LRRC7: variants seen among roughly 807,000 people sequenced by gnomAD.
The protein encoded by LRRC7 is leucine rich repeat containing 7, also known as leucine-rich repeat-containing protein 7.
A neutral mutation model predicts 175.7 loss-of-function variants in LRRC7; 23 were observed. The ratio of observed to expected loss-of-function variants is 0.13; its 90% CI spans 0.09 to 0.19. The LOEUF is 0.19. Among genes scored for constraint, LRRC7 ranks in the 10% least tolerant of loss-of-function variants. The pLI is 1.00. For synonymous variants in LRRC7, 685 were observed against 680.9 expected (o/e 1.01, Z -0.09); for missense variants, 1,354 against 1,904.7 (o/e 0.71, Z 5.38).
chr1:69,827,457 A>C (rs546001786), intron 5 of LRRC7, among the ~76,000 whole-genome samples: 1 of 152,240 alleles, frequency 6.6e-6, no homozygotes, highest in Non-Finnish European at 1.5e-5. Flanking sequence ...CACTGTAAAC[A>C]TTAAACAGTT....
intron 8 of LRRC7, among the ~76,000 whole-genome samples, chr1:69,962,842 C>T (rs899977781): frequency 2.0e-5 from 3 of 151,746 alleles, no homozygotes; most frequent in East Asian, 3.9e-4. Context: ...GGGTGGGAGG[C>T]GGGAGAGAAT....
At chr1:69,942,172 G>T (rs1257635111) in intron 8 of LRRC7, among the ~76,000 whole-genome samples, 1 of 151,988 alleles carries the variant, frequency 6.6e-6, no homozygotes, top group Non-Finnish European at 1.5e-5. Context: ...AAATAAAATG[G>T]CTAGCTAGCA....
intron 3 of LRRC7, among the ~76,000 whole-genome samples, chr1:69,771,659 C>T (rs745857115): frequency 1.3e-5 from 2 of 152,132 alleles, no homozygotes; most frequent in Non-Finnish European, 2.9e-5. Context: ...GCAAGCATTT[C>T]TTGATTACCA....
chr1:70,034,783 T>C (rs1163532287), intron 18 of LRRC7, among the ~76,000 whole-genome samples: 2 of 152,228 alleles, frequency 1.3e-5, no homozygotes, highest in African/African-American at 4.8e-5. Context: ...TTCCCTTTTC[T>C]TTTATTGAAA....
chr1:69,779,866 C>T (rs540024168), intron 3 of LRRC7, among the ~76,000 whole-genome samples: 28 of 152,190 alleles, frequency 1.8e-4, no homozygotes, highest in Non-Finnish European at 3.7e-4. Context: ...CTTGATACTA[C>T]CAGCACCTGT....
At chr1:69,815,431 C>A (rs11585847) in intron 4 of LRRC7, among the ~76,000 whole-genome samples, 6,517 of 151,904 alleles carry the variant, frequency 0.043, 205 homozygotes, top group Non-Finnish European at 0.058. Flanking sequence ...TTGGCTGTGT[C>A]TTTTTTTTGG....
intron 2 of LRRC7, among the ~76,000 whole-genome samples, chr1:69,725,891 G>A (rs185221160): frequency 6.6e-5 from 10 of 152,306 alleles, no homozygotes; most frequent in Admixed American, 3.9e-4. Context: ...TTTTGATGCT[G>A]CCATGTCTGT....
chr1:69,890,833 A>C (rs1253210942), intron 7 of LRRC7, among the ~76,000 whole-genome samples: 1 of 152,170 alleles, frequency 6.6e-6, no homozygotes, highest in Non-Finnish European at 1.5e-5. Flanking sequence ...TTATTTCCTT[A>C]AACTTCACAA....
rs79744469 is a variant in LRRC7 at position 70,073,345 on chromosome 1, C to A, written c.4231-2732C>A. Among the ~76,000 whole-genome samples, 1,296 of 152,076 alleles carry A rather than the reference C, an allele frequency of 8.5e-3. 12 individuals carry two copies. Among genetic ancestry groups the A allele is most frequent in the African/African-American group, 0.029 (1,222 of 41,472 alleles). ...CTGTCCTATCAGAAGAAAAAATATA[C>A]CTGAAAAGTAAGTCTGAAGGCTATT... On this transcript the variant is annotated intron_variant, in intron 23 of 26. Coordinates refer to ENST00000651989, the MANE Select transcript of LRRC7 (RefSeq NM_001370785.2).
chr1:69,888,835 C>T lies in LRRC7; in HGVS notation c.648-42672C>T, dbSNP rs192057161. Among the ~76,000 whole-genome samples the T allele has an allele frequency of 2.6e-3, 396 of 152,086 alleles. 1 individual carries two copies. Among genetic ancestry groups the T allele is most frequent in the Non-Finnish European group, 4.9e-3 (330 of 68,012 alleles). ...CAAACTTGCAGTTGTAAAATGGATA[C>T]ACACTGGAGACCTAATGTACAGCAT... On this transcript the variant is annotated intron_variant, in intron 7 of 26. Coordinates refer to ENST00000651989, the MANE Select transcript of LRRC7 (RefSeq NM_001370785.2).
At chr1:69,600,350 T>G (rs986758336) in intron 1 of LRRC7, among the ~76,000 whole-genome samples, 3 of 152,194 alleles carry the variant, frequency 2.0e-5, no homozygotes, top group Admixed American at 6.5e-5. Flanking sequence ...TTAGTCATCT[T>G]GTTGCCATAG....
intron 1 of LRRC7, among the ~76,000 whole-genome samples, chr1:69,640,412 G>T (rs1654029964): frequency 6.6e-6 from 1 of 151,708 alleles, no homozygotes; most frequent in South Asian, 2.1e-4. Flanking sequence ...TTGTATAATA[G>T]TGAGCACTAT....
intron 24 of LRRC7, among the ~76,000 whole-genome samples, chr1:70,085,816 A>G (rs1051500872): frequency 1.3e-5 from 2 of 152,156 alleles, no homozygotes; most frequent in East Asian, 1.9e-4. Context: ...TATGTTTGCT[A>G]TCTATCTTCC....
intron 4 of LRRC7, among the ~76,000 whole-genome samples, chr1:69,807,871 G>A (rs189814263): frequency 1.4e-4 from 22 of 152,064 alleles, no homozygotes; most frequent in Admixed American, 7.9e-4. Flanking sequence ...AAGTTCTCCC[G>A]GATAATATCC....
intron 1 of LRRC7, among the ~76,000 whole-genome samples, chr1:69,593,728 G>C (rs77950836): frequency 0.011 from 1,668 of 152,218 alleles, 34 homozygotes; most frequent in African/African-American, 0.038. Flanking sequence ...ATCAGAGACT[G>C]GGCATGATTT....
intron 7 of LRRC7, among the ~76,000 whole-genome samples, chr1:69,852,057 T>C (rs1037856890): frequency 6.6e-6 from 1 of 152,162 alleles, no homozygotes; most frequent in Non-Finnish European, 1.5e-5. Flanking sequence ...CGTAAGTCTT[T>C]AAAGTGCAAT....
At chr1:70,060,911 C>T (rs1158883544) in intron 23 of LRRC7, among the ~76,000 whole-genome samples, 2 of 152,080 alleles carry the variant, frequency 1.3e-5, no homozygotes, top group Admixed American at 1.3e-4. Flanking sequence ...TTTTCCCTCC[C>T]AAAGAAATGC....
intron 2 of LRRC7, among the ~76,000 whole-genome samples, chr1:69,754,560 T>G (rs1194115660): frequency 6.6e-6 from 1 of 152,022 alleles, no homozygotes; most frequent in Non-Finnish European, 1.5e-5. Context: ...AGTAAATGCT[T>G]ACAACTTGAA....
At chr1:69,609,340 A>G (rs1443287713) in intron 1 of LRRC7, among the ~76,000 whole-genome samples, 1 of 152,072 alleles carries the variant, frequency 6.6e-6, no homozygotes, top group Non-Finnish European at 1.5e-5. Context: ...TAATCTATAT[A>G]TTATTCTAAT....
Sources: gnomAD v4.1 joint callset for allele counts (sites outside exome capture counted in the v4.1 genomes callset) on GRCh38, gnomAD v4.1.1 for gene constraint, MANE v1.5 for transcripts, NCBI Gene and HGNC (gene_info 2026-07-23, HGNC 2026-07-21) for gene names.